Variants in TRPM3 observed in about 807,000 individuals in gnomAD.
The protein encoded by TRPM3 is long transient receptor potential channel 3.
TRPM3 carries 77 observed loss-of-function variants against 181.2 expected under a neutral mutation model. That is an observed-to-expected ratio of 0.42 (90% CI 0.35 to 0.51). The LOEUF is 0.51. Ranked by LOEUF, TRPM3 falls within the 20% of genes least tolerant of loss-of-function variation. The pLI is 0.01. For missense variants in TRPM3, 1,759 were observed against 2,196.7 expected (o/e 0.80, Z 3.98); for synonymous variants, 745 against 796.4 (o/e 0.94, Z 1.09).
chr9:70,699,564 T>A (rs563179328), intron 8 of TRPM3, among the ~76,000 whole-genome samples: 1 of 152,150 alleles, frequency 6.6e-6, no homozygotes, highest in Non-Finnish European at 1.5e-5. Flanking sequence ...GCCAGGCACT[T>A]TATATACATT....
intron 1 of TRPM3, among the ~76,000 whole-genome samples, chr9:71,126,752 A>AT (rs2074056050): frequency 1.3e-5 from 2 of 152,096 alleles, no homozygotes; most frequent in African/African-American, 4.8e-5. Flanking sequence ...TTATCTATTC[A>AT]TTTTCCCTCC....
At chr9:70,901,710 T>C (rs959534562) in intron 1 of TRPM3, among the ~76,000 whole-genome samples, 8 of 152,172 alleles carry the variant, frequency 5.3e-5, no homozygotes, top group Admixed American at 3.3e-4. Flanking sequence ...ACTTTGAAAA[T>C]TTGAAGCATC....
intron 1 of TRPM3, among the ~76,000 whole-genome samples, chr9:71,154,512 G>A (rs2075887079): frequency 6.6e-6 from 1 of 152,046 alleles, no homozygotes; most frequent in Non-Finnish European, 1.5e-5. Context: ...CTGGCAGCAG[G>A]TCAAAATATA....
At chr9:70,758,986 C>G (rs1435844844) in intron 8 of TRPM3, among the ~76,000 whole-genome samples, 1 of 152,154 alleles carries the variant, frequency 6.6e-6, no homozygotes, top group Non-Finnish European at 1.5e-5. Flanking sequence ...CAAATGGGAT[C>G]TAATCAAACT....
intron 1 of TRPM3, among the ~76,000 whole-genome samples, chr9:70,903,205 CCAGTTCACTCAGCA>C (rs2096411401): frequency 1.3e-5 from 2 of 152,038 alleles, no homozygotes. Flanking sequence ...GTCTTTTTTT[CCAGTTCACTCAGCA>C]CAGACAATGT....
chr9:70,583,415 G>T (rs1035548261), intron 22 of TRPM3, among the ~76,000 whole-genome samples: 2 of 152,136 alleles, frequency 1.3e-5, no homozygotes, highest in African/African-American at 4.8e-5. Context: ...GAAAAAGCAT[G>T]GTCTTTGAAG....
At chr9:70,981,061 GA>G (rs1245455466) in intron 1 of TRPM3, among the ~76,000 whole-genome samples, 1 of 152,148 alleles carries the variant, frequency 6.6e-6, no homozygotes, top group Non-Finnish European at 1.5e-5. Context: ...ACATTAAAGT[GA>G]TTGATTTTTA....
intron 20 of TRPM3, among the ~76,000 whole-genome samples, chr9:70,599,074 A>C (rs72718978): frequency 2.0e-5 from 3 of 152,284 alleles, no homozygotes; most frequent in Non-Finnish European, 4.4e-5. Flanking sequence ...CATCCTCTGC[A>C]CCAAGTCCTA....
chr9:71,035,733 A>G (rs968194214), intron 1 of TRPM3, among the ~76,000 whole-genome samples: 11 of 152,164 alleles, frequency 7.2e-5, no homozygotes, highest in Admixed American at 2.0e-4. Flanking sequence ...AAATAAATAA[A>G]TAAAATAAAA....
At chr9:71,347,152 T>G (rs1190642844) in intron 1 of TRPM3, among the ~76,000 whole-genome samples, 1 of 152,218 alleles carries the variant, frequency 6.6e-6, no homozygotes, top group African/African-American at 2.4e-5. Flanking sequence ...ATTTTAGTGG[T>G]TGAAGTTATC....
At chr9:71,098,583 A>G (rs922223421) in intron 1 of TRPM3, among the ~76,000 whole-genome samples, 2 of 152,160 alleles carry the variant, frequency 1.3e-5, no homozygotes, top group African/African-American at 4.8e-5. Flanking sequence ...TGGTCTTGCA[A>G]AATCACTTAG....
intron 1 of TRPM3, among the ~76,000 whole-genome samples, chr9:70,945,038 A>T (rs1004311694): frequency 6.6e-6 from 1 of 152,144 alleles, no homozygotes; most frequent in African/African-American, 2.4e-5. Flanking sequence ...TTTGCCTTTA[A>T]AGCCATCATG....
In TRPM3 at chr9:70,629,501, AT is replaced by A. The variant is rs760606422; in HGVS notation, c.1633-3985del. On this transcript the variant is annotated intron_variant, in intron 12 of 25. Transcript: ENST00000677713. ...CAGGCATGTGCCATCATGCCAGCTAATTTTTTTGTATTTTTAGGAGAGATGG... is the reference window on the plus strand; with the variant it reads ...CAGGCATGTGCCATCATGCCAGCTAATTTTTTGTATTTTTAGGAGAGATGG... Among the ~76,000 whole-genome samples, 51 of 151,638 alleles carry A rather than the reference AT, an allele frequency of 3.4e-4. 1 individual carries two copies. The highest frequency in any genetic ancestry group is 1.5e-5 in the Non-Finnish European group (1 of 67,918).
chr9:71,416,356 C>A (rs918324086), intron 1 of TRPM3, among the ~76,000 whole-genome samples: 1 of 151,722 alleles, frequency 6.6e-6, no homozygotes, highest in African/African-American at 2.4e-5. Flanking sequence ...TTGGATTGGT[C>A]GGCAATTTAT....
chr9:70,605,111 C>T (rs748046774), intron 19 of TRPM3, among the ~76,000 whole-genome samples: 12 of 151,822 alleles, frequency 7.9e-5, no homozygotes, highest in East Asian at 1.9e-4. Flanking sequence ...CCCATTACCA[C>T]GTCTGGCTAA....
At chr9:70,928,154 C>T (rs114597032) in intron 1 of TRPM3, among the ~76,000 whole-genome samples, 1,624 of 152,198 alleles carry the variant, frequency 0.011, 35 homozygotes, top group African/African-American at 0.035. Context: ...ATGCCACTTC[C>T]GTGACTTATG....
intron 1 of TRPM3, among the ~76,000 whole-genome samples, chr9:71,228,115 C>G (rs1191178874): frequency 6.6e-6 from 1 of 152,126 alleles, no homozygotes; most frequent in Non-Finnish European, 1.5e-5. Flanking sequence ...TTCAACAATA[C>G]ATTAAAAAGA....
intron 1 of TRPM3, among the ~76,000 whole-genome samples, chr9:71,134,033 G>A (rs188019821): frequency 2.6e-5 from 4 of 151,482 alleles, no homozygotes; most frequent in Non-Finnish European, 2.9e-5. Context: ...GCGCGCGCGC[G>A]TGTCTGTGTT....
At chr9:70,761,875 A>G (rs2078216765) in intron 7 of TRPM3, 151 bp from the exon 8 acceptor site, 2 of 907,458 alleles carry the variant, frequency 2.2e-6, no homozygotes, top group Non-Finnish European at 1.6e-6. Flanking sequence ...CCCGCCTGTG[A>G]TAATTTAAAA....
Sources: allele counts gnomAD v4.1 joint callset (sites outside exome capture counted in the v4.1 genomes callset), GRCh38; gene constraint gnomAD v4.1.1; transcripts MANE v1.5; gene names NCBI Gene and HGNC (gene_info 2026-07-23, HGNC 2026-07-21).